FNDC3B: variants seen among roughly 807,000 people sequenced by gnomAD.
FNDC3B encodes the protein fibronectin type III domain-containing protein 3B.
In FNDC3B, 12 loss-of-function variants were observed where a neutral mutation model predicts 151.5. That is an observed-to-expected ratio of 0.08 (90% CI 0.05 to 0.13). The LOEUF (loss-of-function observed/expected upper bound fraction) is 0.13. FNDC3B is among the 10% of genes least tolerant of loss of function. The pLI is 1.00. For missense variants in FNDC3B, 1,214 were observed against 1,505.3 expected, an observed-to-expected ratio of 0.81 and a Z score of 3.20; for synonymous variants, 528 against 549.0, an observed-to-expected ratio of 0.96 and a Z score of 0.54.
intron 3 of FNDC3B, among the ~76,000 whole-genome samples, chr3:172,174,873 T>C (rs1334482939): frequency 6.7e-6 from 1 of 148,890 alleles, no homozygotes; most frequent in Admixed American, 6.8e-5. Flanking sequence ...TCCCAATTAT[T>C]CATACATGCT....
intron 3 of FNDC3B, among the ~76,000 whole-genome samples, chr3:172,219,128 G>A (rs577081732): frequency 1.3e-5 from 2 of 152,276 alleles, no homozygotes; most frequent in South Asian, 2.1e-4. Flanking sequence ...TATATCCTAA[G>A]GGCCTTTGAC....
chr3:172,324,237 G>A (rs1732230898), intron 11 of FNDC3B, among the ~76,000 whole-genome samples: 1 of 152,032 alleles, frequency 6.6e-6, no homozygotes, highest in African/African-American at 2.4e-5. Flanking sequence ...CTGATCTGAT[G>A]CATGCTGTGA....
chr3:172,096,280 C>G (rs137962863), intron 1 of FNDC3B, among the ~76,000 whole-genome samples: 4 of 152,316 alleles, frequency 2.6e-5, no homozygotes, highest in African/African-American at 9.6e-5. Flanking sequence ...CACCCTTTAA[C>G]TTTCAGAAAC....
intron 9 of FNDC3B, 125 bp from the exon 10 acceptor site, chr3:172,307,238 G>A (rs1205296962): frequency 3.1e-6 from 3 of 960,274 alleles, no homozygotes; most frequent in East Asian, 4.8e-5. Flanking sequence ...ATAAGAGCAA[G>A]AGCATGATAC....
intron 23 of FNDC3B, among the ~76,000 whole-genome samples, chr3:172,376,350 AT>A (rs1735142537): frequency 6.6e-6 from 1 of 152,192 alleles, no homozygotes; most frequent in Non-Finnish European, 1.5e-5. Context: ...TATTGAACTT[AT>A]TTTCCAAAAG....
In FNDC3B at chr3:172,263,424, T is replaced by A. The variant is rs117060442; in HGVS notation, c.790+11883T>A. Among the ~76,000 whole-genome samples the A allele has an allele frequency of 4.6e-3, 695 of 152,238 alleles. 13 individuals are homozygous for A. Among genetic ancestry groups the A allele is most frequent in the East Asian group, 0.027 (142 of 5,180 alleles). On this transcript the variant is annotated intron_variant, in intron 6 of 25. Transcript: ENST00000415807. ...TTAAGTGTCTTGCCAAGCACATTTT[T>A]AAAAAATTCATATTTAGTCTTTCAG...
chr3:172,110,572 G>A (rs1719906674), intron 1 of FNDC3B, among the ~76,000 whole-genome samples: 2 of 151,832 alleles, frequency 1.3e-5, no homozygotes, highest in South Asian at 2.1e-4. Context: ...GAGAGAAGAG[G>A]TTCTATCCTT....
chr3:172,188,128 T>C (rs528865118), intron 3 of FNDC3B, among the ~76,000 whole-genome samples: 1 of 151,734 alleles, frequency 6.6e-6, no homozygotes, highest in South Asian at 2.1e-4. Flanking sequence ...CCCTAGTAGC[T>C]GGGATTACAG....
intron 1 of FNDC3B, among the ~76,000 whole-genome samples, chr3:172,080,952 A>G (rs1718250493): frequency 6.6e-6 from 1 of 152,176 alleles, no homozygotes; most frequent in Admixed American, 6.5e-5. Flanking sequence ...GTTGTTTCCC[A>G]TTGTTTGGAA....
At chr3:172,346,278 CACAT>C in intron 19 of FNDC3B, 45 bp from the exon 20 acceptor site, 1 of 1,076,032 alleles carries the variant, frequency 9.3e-7, no homozygotes, top group Non-Finnish European at 1.4e-6. Flanking sequence ...CATTCACAAA[CACAT>C]ACACGCATAT....
intron 6 of FNDC3B, among the ~76,000 whole-genome samples, chr3:172,251,967 A>G (rs1420807632): frequency 6.6e-6 from 1 of 152,208 alleles, no homozygotes; most frequent in Non-Finnish European, 1.5e-5. Flanking sequence ...GAAATCTATC[A>G]TTGAATCACA....
In FNDC3B at chr3:172,362,340, T is replaced by A. The variant is rs540680126; in HGVS notation, c.2796-293T>A. On this transcript the variant is annotated intron_variant, in intron 22 of 25. Transcript: ENST00000415807. ...GTAGCTAGGACAAAATATAAAAGCG[T>A]ATCTTTAAGATATCTTCCCTGAGAC... 2.0e-5 allele frequency among the ~76,000 whole-genome samples: 3 copies of A among 152,092 alleles called. No individual in the cohort carries two copies. The South Asian group carries it at 6.2e-4, about 32-fold the overall frequency.
intron 6 of FNDC3B, among the ~76,000 whole-genome samples, chr3:172,280,897 C>CT (rs1462279014): frequency 6.0e-5 from 9 of 149,514 alleles, no homozygotes; most frequent in Admixed American, 2.0e-4. Context: ...TTCTTTCTTT[C>CT]TTTTTTTTGA....
At chr3:172,382,319 GT>G (rs1246764456) in intron 25 of FNDC3B, among the ~76,000 whole-genome samples, 1 of 152,014 alleles carries the variant, frequency 6.6e-6, no homozygotes, top group African/African-American at 2.4e-5. Context: ...TGATGGGGTG[GT>G]TTTTTTCTTG....
chr3:172,200,087 T>G (rs7633114), intron 3 of FNDC3B, among the ~76,000 whole-genome samples: 134,802 of 152,200 alleles, frequency 0.89, 59,963 homozygotes, highest in Middle Eastern at 0.94. Flanking sequence ...TATCCTGATA[T>G]TACAAGGAAC....
intron 3 of FNDC3B, among the ~76,000 whole-genome samples, chr3:172,144,062 G>A (rs992143463): frequency 6.6e-6 from 1 of 152,174 alleles, no homozygotes; most frequent in Non-Finnish European, 1.5e-5. Flanking sequence ...GGTTCTGCAG[G>A]ATATATAGGA....
intron 1 of FNDC3B, among the ~76,000 whole-genome samples, chr3:172,082,544 C>T (rs908489952): frequency 3.3e-5 from 5 of 152,096 alleles, no homozygotes; most frequent in Admixed American, 1.3e-4. Flanking sequence ...CTAGTTCATT[C>T]TCCAGCCGTT....
chr3:172,359,256 CT>C (rs1215137607), intron 22 of FNDC3B, among the ~76,000 whole-genome samples: 18 of 152,046 alleles, frequency 1.2e-4, no homozygotes, highest in African/African-American at 3.6e-4. Context: ...TGATTTAAAT[CT>C]CTTAGCATTT....
intron 4 of FNDC3B, 83 bp from the exon 5 acceptor site, chr3:172,247,450 A>G: frequency 7.0e-7 from 1 of 1,433,058 alleles, no homozygotes; most frequent in Non-Finnish European, 9.4e-7. Flanking sequence ...GAAAAGTAAA[A>G]TTAAAGTGGA....
Sources: allele counts gnomAD v4.1 joint callset (sites outside exome capture counted in the v4.1 genomes callset), GRCh38; gene constraint gnomAD v4.1.1; transcripts MANE v1.5; gene names NCBI Gene and HGNC (gene_info 2026-07-23, HGNC 2026-07-21).